MYOM3: variants seen among roughly 807,000 people sequenced by gnomAD.
MYOM3 encodes myomesin-3.
A neutral mutation model predicts 191.7 loss-of-function variants in MYOM3; 155 were observed. That is an observed-to-expected ratio of 0.81 (90% CI 0.71 to 0.92). The LOEUF (loss-of-function observed/expected upper bound fraction) is 0.92. Among genes scored for constraint, MYOM3 ranks in the 40% least tolerant of loss-of-function variants. The pLI is 0.00. For synonymous variants in MYOM3, 757 were observed against 762.9 expected, an observed-to-expected ratio of 0.99 and a Z score of 0.13; for missense variants, 1,889 against 1,890.6, an observed-to-expected ratio of 1.00 and a Z score of 0.02.
intron 26 of MYOM3, 58 bp from the exon 27 acceptor site, chr1:24,068,087 G>A: frequency 6.3e-7 from 1 of 1,599,038 alleles, no homozygotes; most frequent in Admixed American, 1.7e-5. Flanking sequence ...TCTGGAGAGG[G>A]GACATGGGGT....
At chr1:24,075,283 C>T in intron 22 of MYOM3, 36 bp downstream of exon 22, 3 of 1,608,224 alleles carry the variant, frequency 1.9e-6, no homozygotes, top group East Asian at 2.2e-5. Context: ...TATTTGGGTC[C>T]CGTTGAGCAG....
At chr1:24,065,518 C>G (rs1342014565) in intron 29 of MYOM3, among the ~76,000 whole-genome samples, 2 of 152,174 alleles carry the variant, frequency 1.3e-5, no homozygotes, top group Non-Finnish European at 2.9e-5. Flanking sequence ...GAAAGAGCAT[C>G]CCTTCCAACC....
chr1:24,090,698 A>T, intron 12 of MYOM3, 99 bp downstream of exon 12: 1 of 1,217,276 alleles, frequency 8.2e-7, no homozygotes. Context: ...CCTCCACCAG[A>T]CTCGGGGCTC....
rs55682709 is a variant in MYOM3, at chr1:24,073,861, T to TAA, written c.2968+297_2968+298dup. 8.7e-3 allele frequency among the ~76,000 whole-genome samples: 710 copies of TAA among 81,388 alleles called. 12 individuals carry two copies. The highest frequency in any genetic ancestry group is 0.028 in the African/African-American group (554 of 20,144). 53.4% of individuals were successfully genotyped at this position (81,388 alleles called of 152,430 possible). A position where few individuals can be genotyped will look rare whatever the true frequency, so the allele number is the denominator to read the frequency against. ...CTGGGCGACAGAGCGAGACTCCGTC[T>TAA]AAAAAAAAAAAAAAAAAAAAAAAGG... On this transcript the variant is annotated intron_variant, in intron 23 of 36. Transcript: ENST00000374434.
In MYOM3 at chr1:24,108,543, GCTC is replaced by G. The variant is rs1644014377; in HGVS notation, c.91_93del (p.Glu31del). On this transcript the variant is annotated inframe_deletion, in exon 2 of 37. Coordinates refer to ENST00000374434, the MANE Select transcript of MYOM3 (RefSeq NM_152372.4). Reference sequence around the variant, plus strand: ...AGGCTGTGCTGCCGCTCCTCCTTCTGCTCCTCCTCCTGCCGGTGCTCCAGCCTG... The same window carrying G: ...AGGCTGTGCTGCCGCTCCTCCTTCTGCTCCTCCTGCCGGTGCTCCAGCCTG... 6.3e-7 allele frequency: 1 copy of G among 1,579,652 alleles called. No homozygotes were observed.
intron 6 of MYOM3, among the ~76,000 whole-genome samples, chr1:24,098,848 G>A (rs1643892482): frequency 6.6e-6 from 1 of 152,178 alleles, no homozygotes; most frequent in South Asian, 2.1e-4. Context: ...TGGTTGAGGT[G>A]GAGGGTTTGG....
intron 20 of MYOM3, among the ~76,000 whole-genome samples, chr1:24,077,529 G>A (rs911407436): frequency 3.3e-5 from 5 of 152,174 alleles, no homozygotes; most frequent in African/African-American, 7.2e-5. Context: ...AGTGTAGCCT[G>A]TGCTTCATCA....
intron 5 of MYOM3, 31 bp from the exon 6 acceptor site, chr1:24,099,806 G>A: frequency 6.4e-7 from 1 of 1,568,830 alleles, no homozygotes; most frequent in South Asian, 1.1e-5. Flanking sequence ...GTGGCAGGCA[G>A]GGTGGTTCTA....
At chr1:24,075,255 T>C in intron 22 of MYOM3, 64 bp downstream of exon 22, 2 of 1,552,404 alleles carry the variant, frequency 1.3e-6, no homozygotes, top group South Asian at 1.1e-5. Context: ...CAGGAGCCCC[T>C]GCCAGCTCCT....
Position 24,075,463 on chromosome 1 carries a change from A to G in MYOM3, c.2714T>C (p.Ile905Thr). ...GCCCTCTTCATCCACACCAACCTCGATCTCATGGGCACCTGAGGGCGAGAT... is the reference window on the plus strand; with the variant it reads ...GCCCTCTTCATCCACACCAACCTCGGTCTCATGGGCACCTGAGGGCGAGAT... ...LLEDKPGAHE[I>T]EVGVDEEGFI... The change falls in exon 22 of 37, where the codon ATC becomes ACC. Residue 905 changes from isoleucine to threonine, a missense_variant. Ile to Thr is a moderately conservative substitution (Grantham distance 89). Transcript: ENST00000374434. 6.3e-7 allele frequency: 1 copy of G among 1,576,380 alleles called. No homozygotes were observed. Among genetic ancestry groups the G allele is most frequent in the African/African-American group, 1.4e-5 (1 of 72,928 alleles).
intron 22 of MYOM3, among the ~76,000 whole-genome samples, chr1:24,075,019 G>A (rs1464175828): frequency 2.0e-5 from 3 of 152,174 alleles, no homozygotes; most frequent in Admixed American, 2.0e-4. Flanking sequence ...CAAGGCTGCA[G>A]TGAGCCGAGA....
chr1:24,099,705 C>T lies in MYOM3; in HGVS notation c.631G>A (p.Gly211Arg), dbSNP rs768910159. ...CTCCTAATCTCCAGGGACAGCAGCC[C>T]GTAGTTGTTGGTGATTCGGTATTTT... ...AGKYRITNNY[G>R]LLSLEIRRCA... The change falls in exon 6 of 37, where the codon GGG (glycine) becomes AGG (arginine). Residue 211 changes from glycine to arginine, a missense_variant. Gly to Arg is a moderately radical substitution (Grantham distance 125). Transcript: ENST00000374434. The T allele has an allele frequency of 5.0e-6, 8 of 1,613,674 alleles. No homozygotes were observed. In the East Asian group the frequency reaches 1.3e-4, roughly 27 times the overall value.
intron 16 of MYOM3, 138 bp from the exon 17 acceptor site, chr1:24,082,852 A>G: frequency 9.4e-7 from 1 of 1,068,744 alleles, no homozygotes; most frequent in Non-Finnish European, 1.3e-6. Context: ...TCCTAAAAAT[A>G]TTGCCCTTGA....
intron 20 of MYOM3, among the ~76,000 whole-genome samples, chr1:24,079,282 CTGGACCTCTG>C (rs1643639086): frequency 6.6e-6 from 1 of 152,148 alleles, no homozygotes; most frequent in Admixed American, 6.5e-5. Flanking sequence ...TCCCTGCAGC[CTGGACCTCTG>C]TGGGCTCAGG....
intron 25 of MYOM3, 33 bp from the exon 26 acceptor site, chr1:24,068,400 T>C (rs907758063): frequency 6.2e-7 from 1 of 1,612,916 alleles, no homozygotes. Flanking sequence ...TCCTTTTCCC[T>C]GTTCTGGGAA....
chr1:24,058,958 C>T lies in MYOM3; in HGVS notation c.4016G>A (p.Gly1339Asp), dbSNP rs1349957504. The T allele has an allele frequency of 1.2e-6, 2 of 1,612,084 alleles. No homozygotes were observed. The highest frequency in any genetic ancestry group is 1.3e-5 in the African/African-American group (1 of 74,880). Residue 1339 changes from glycine (G) to aspartate (D), a missense_variant, in exon 36 of 37, where the codon GGT becomes GAT. Coordinates refer to ENST00000374434, the MANE Select transcript of MYOM3 (RefSeq NM_152372.4). Reference protein sequence around the residue: ...IEKNRAKVVRGLPDVATIMED... With the variant: ...IEKNRAKVVRDLPDVATIMED... ...CATGATAGTGGCCACATCCGGCAGA[C>T]CTCTCACCACTTTGGCACGATCTGG...
intron 29 of MYOM3, 167 bp from the exon 30 acceptor site, chr1:24,064,326 C>G (rs1315497463): frequency 3.5e-6 from 2 of 574,760 alleles, no homozygotes; most frequent in Non-Finnish European, 6.2e-6. Context: ...GCTGGGTGAG[C>G]TCTAAGGCTC....
In MYOM3 at chr1:24,081,452, C is replaced by T; in HGVS notation, c.2285G>A (p.Ser762Asn). 4 of 1,613,910 alleles carry T rather than the reference C, an allele frequency of 2.5e-6. 1 individual carries two copies. The highest frequency in any genetic ancestry group is 2.2e-5 in the South Asian group (2 of 91,024). Residue 762 changes from serine (S) to asparagine (N), a missense_variant, in exon 19 of 37, where the codon AGT becomes AAT. Transcript: ENST00000374434. Reference protein sequence around the residue: ...QPIPTRVCKVSDLHEGHFYEF... With the variant: ...QPIPTRVCKVNDLHEGHFYEF... The stretch of plus-strand genomic sequence containing the variant: ...ATAGAAGTGGCCTTCATGAAGGTCA[C>T]TGACCTTTAAGAGCAGAAACACAAA...
intron 23 of MYOM3, 33 bp downstream of exon 23, chr1:24,074,127 G>C: frequency 1.3e-6 from 2 of 1,535,658 alleles, no homozygotes; most frequent in South Asian, 2.3e-5. Flanking sequence ...TCTCTCTCTG[G>C]GGAGGTGGCA....
Sources: allele counts gnomAD v4.1 joint callset (sites outside exome capture counted in the v4.1 genomes callset), GRCh38; gene constraint gnomAD v4.1.1; transcripts MANE v1.5; gene names NCBI Gene and HGNC (gene_info 2026-07-23, HGNC 2026-07-21).